The following DIPK1A variants were observed in gnomAD, a reference collection of about 807,000 sequenced individuals.
DIPK1A encodes the protein family with sequence similarity 69 member A.
Under a neutral mutation model 40.8 loss-of-function variants are expected in DIPK1A, and 27 were observed. The ratio of observed to expected loss-of-function variants is 0.66; its 90% CI spans 0.49 to 0.91. The LOEUF (loss-of-function observed/expected upper bound fraction) is 0.91. Ranked by LOEUF, DIPK1A falls within the 40% of genes least tolerant of loss-of-function variation. The pLI is 0.00. For synonymous variants in DIPK1A, 166 were observed against 171.3 expected (o/e 0.97, Z 0.24); for missense variants, 412 against 505.7 (o/e 0.81, Z 1.78).
At chr1:92,867,936 A>G (rs1296686090) in intron 2 of DIPK1A, among the ~76,000 whole-genome samples, 1 of 152,228 alleles carries the variant, frequency 6.6e-6, no homozygotes, top group African/African-American at 2.4e-5. Context: ...TTACAATGCT[A>G]TGTTACAGCA....
At chr1:92,946,112 GT>G in intron 1 of DIPK1A, among the ~76,000 whole-genome samples, 1 of 152,230 alleles carries the variant, frequency 6.6e-6, no homozygotes, top group Admixed American at 6.5e-5. Flanking sequence ...TTGTAGTAAT[GT>G]GCTAAATAAC....
Position 92,844,079 on chromosome 1 carries a change from A to G in DIPK1A, c.591T>C (p.Leu197=). 1.3e-6 allele frequency: 2 copies of G among 1,551,934 alleles called. No individual in the cohort carries two copies. Among genetic ancestry groups the G allele is most frequent in the Non-Finnish European group, 1.7e-6 (2 of 1,147,038 alleles). ...SLGEAKSAWA[L]LQLNEFLLMV... Reference sequence around the variant, plus strand: ...TGAGAAGAAATTCATTCAGTTGAAGAAGTGCCCATGCCGACTTTGCTTCTC... The same window carrying G: ...TGAGAAGAAATTCATTCAGTTGAAGGAGTGCCCATGCCGACTTTGCTTCTC... The change falls in exon 5 of 5, where the codon CTT becomes CTC. Residue 197 remains leucine, a synonymous_variant. Coordinates refer to ENST00000370310, the MANE Select transcript of DIPK1A (RefSeq NM_001006605.5).
In DIPK1A at chr1:92,959,902, A is replaced by ATTTTTTT. The variant is rs1557502636; in HGVS notation, c.54+1473_54+1474insAAAAAAA. ...AGCTGGGACCACAGGCACCCAACCAACTTTTTTTTTTTTTTTTTTTTTTTT... is the reference window on the plus strand; with the variant it reads ...AGCTGGGACCACAGGCACCCAACCAATTTTTTTCTTTTTTTTTTTTTTTTTTTTTTTT... On this transcript the variant is annotated intron_variant, in intron 1 of 4. Coordinates refer to ENST00000370310, the MANE Select transcript of DIPK1A (RefSeq NM_001006605.5). Among the ~76,000 whole-genome samples, 357 of 43,068 alleles carry ATTTTTTT rather than the reference A, an allele frequency of 8.3e-3. 10 individuals are homozygous for ATTTTTTT. Among genetic ancestry groups the ATTTTTTT allele is most frequent in the Non-Finnish European group, 9.7e-3 (254 of 26,054 alleles). The allele number at this position is 43,068 out of a possible 152,430, so 28.3% of individuals were successfully genotyped here.
chr1:92,898,272 T>C (rs192797458), intron 1 of DIPK1A, among the ~76,000 whole-genome samples: 1 of 152,154 alleles, frequency 6.6e-6, no homozygotes, highest in African/African-American at 2.4e-5. Flanking sequence ...TGTCACATGG[T>C]GAAGAGAGCA....
intron 1 of DIPK1A, among the ~76,000 whole-genome samples, chr1:92,895,406 C>A (rs561677701): frequency 6.6e-6 from 1 of 152,064 alleles, no homozygotes; most frequent in Non-Finnish European, 1.5e-5. Flanking sequence ...ACAAAAACCA[C>A]ATGATTATCT....
At chr1:92,957,991 C>T (rs1401505580) in intron 1 of DIPK1A, among the ~76,000 whole-genome samples, 2 of 152,168 alleles carry the variant, frequency 1.3e-5, no homozygotes, top group African/African-American at 2.4e-5. Flanking sequence ...TCTTTTGTGA[C>T]TAGTTTCATA....
intron 2 of DIPK1A, among the ~76,000 whole-genome samples, chr1:92,875,870 C>G (rs555606724): frequency 4.7e-4 from 72 of 151,844 alleles, no homozygotes; most frequent in Non-Finnish European, 9.6e-4. Context: ...CATCCAATCA[C>G]TAGGATAGAA....
At chr1:92,864,956 T>C (rs1647462136) in intron 2 of DIPK1A, among the ~76,000 whole-genome samples, 1 of 144,168 alleles carries the variant, frequency 6.9e-6, no homozygotes, top group South Asian at 2.1e-4. Context: ...GCAAGAGAAT[T>C]GCTTGAACCC....
intron 2 of DIPK1A, among the ~76,000 whole-genome samples, chr1:92,859,587 G>A (rs1446078555): frequency 1.3e-5 from 2 of 152,188 alleles, no homozygotes; most frequent in African/African-American, 4.8e-5. Context: ...CTGTAATCAG[G>A]AAGCCAATGC....
intron 1 of DIPK1A, among the ~76,000 whole-genome samples, chr1:92,897,588 G>A (rs866775905): frequency 1.3e-5 from 2 of 151,978 alleles, no homozygotes; most frequent in Admixed American, 6.6e-5. Context: ...GCACACCAAC[G>A]TGGCACATGT....
chr1:92,844,265 T>C (rs1222956478), intron 4 of DIPK1A, 70 bp from the exon 5 acceptor site: 9 of 946,346 alleles, frequency 9.5e-6, no homozygotes, highest in Non-Finnish European at 1.4e-5. Flanking sequence ...TAAGTTTCTT[T>C]ACGGGCATTA....
At chr1:92,918,528 C>G (rs2100849136) in intron 1 of DIPK1A, among the ~76,000 whole-genome samples, 1 of 152,300 alleles carries the variant, frequency 6.6e-6, no homozygotes. Context: ...TTTGCATTTT[C>G]CATGCTCAGT....
At chr1:92,840,713 G>C, downstream of DIPK1A, 1 of 1,099,468 alleles carries the variant, frequency 9.1e-7, no homozygotes, top group Non-Finnish European at 1.4e-6. Flanking sequence ...GACTGTTGGT[G>C]TAATTGTGCA....
At chr1:92,943,715 C>T (rs1651257904) in intron 1 of DIPK1A, among the ~76,000 whole-genome samples, 2 of 152,178 alleles carry the variant, frequency 1.3e-5, no homozygotes, top group African/African-American at 4.8e-5. Flanking sequence ...ACAGGCCAGC[C>T]AAGGCATCCC....
chr1:92,893,586 T>C (rs1649005341), intron 1 of DIPK1A, among the ~76,000 whole-genome samples: 1 of 151,936 alleles, frequency 6.6e-6, no homozygotes, highest in Admixed American at 6.6e-5. Flanking sequence ...AGGAAGAAAC[T>C]GCATCAACTA....
intron 1 of DIPK1A, among the ~76,000 whole-genome samples, chr1:92,888,102 C>T (rs747627129): frequency 6.6e-6 from 1 of 151,920 alleles, no homozygotes; most frequent in African/African-American, 2.4e-5. Flanking sequence ...TATAGTCACC[C>T]TATATTACTA....
At chr1:92,845,878 C>T (rs900137900) in intron 4 of DIPK1A, among the ~76,000 whole-genome samples, 4 of 151,580 alleles carry the variant, frequency 2.6e-5, no homozygotes, top group African/African-American at 9.7e-5. Context: ...GCCTGTGATC[C>T]CAGCTACTTG....
chr1:92,834,840 CA>C lies in DIPK1A; in HGVS notation c.475-1807del. The C allele has an allele frequency of 6.2e-7, 1 of 1,610,318 alleles. No individual in the cohort carries two copies. On this transcript the variant is annotated intron_variant, in intron 4 of 4. Transcript: ENST00000615519. Reference sequence around the variant, plus strand: ...TGCGCAGCGTATGCACACGAACTGCCAAAATATGGTGTGAAGGTTGGCCTGA... The same window carrying C: ...TGCGCAGCGTATGCACACGAACTGCCAAATATGGTGTGAAGGTTGGCCTGA...
intron 1 of DIPK1A, among the ~76,000 whole-genome samples, chr1:92,930,518 T>G (rs967094095): frequency 1.3e-5 from 2 of 152,202 alleles, no homozygotes; most frequent in Non-Finnish European, 2.9e-5. Context: ...ATTAACTAAA[T>G]CCACCATCAG....
Sources: gnomAD v4.1 joint callset for allele counts (sites outside exome capture counted in the v4.1 genomes callset) on GRCh38, gnomAD v4.1.1 for gene constraint, MANE v1.5 for transcripts, NCBI Gene and HGNC (gene_info 2026-07-23, HGNC 2026-07-21) for gene names.